The following CLCC1 variants were observed in gnomAD, a reference collection of about 807,000 sequenced individuals.
CLCC1 encodes chloride channel CLIC like 1.
CLCC1 carries 39 observed loss-of-function variants against 63.3 expected under a neutral mutation model. That is an observed-to-expected ratio of 0.62 (90% CI 0.48 to 0.81). CLCC1 has a LOEUF of 0.81. Among genes scored for constraint, CLCC1 ranks in the 30% least tolerant of loss-of-function variants. CLCC1 has a pLI of 0.00. For missense variants in CLCC1, 549 were observed against 669.4 expected, an observed-to-expected ratio of 0.82 and a Z score of 1.98; for synonymous variants, 217 against 239.8, an observed-to-expected ratio of 0.90 and a Z score of 0.88.
chr1:108,962,504 A>G (rs1283177783), intron 1 of CLCC1, 35 bp from the exon 2 acceptor site: 1 of 152,342 alleles, frequency 6.6e-6, no homozygotes, highest in East Asian at 1.9e-4. Flanking sequence ...TATTATAAAG[A>G]AAACCTGAAT....
Position 108,949,920 on chromosome 1 carries a change from G to A in CLCC1, c.131C>T (p.Ala44Val). The part of the protein sequence containing the change: ...AASGTMRKSQ[A>V]KYGISGEKDV... ...CTTTTCCCCTGAAATACCATATTTT[G>A]CCTAAAACAGAGTATAGAAACATTT... Residue 44 changes from alanine to valine, a missense_variant and splice_region_variant, in exon 4 of 13, where the codon GCA becomes GTA. Ala to Val is a moderately conservative substitution (Grantham distance 64). Transcript: ENST00000369969. The A allele has an allele frequency of 6.4e-7, 1 of 1,568,974 alleles. No individual in the cohort carries two copies. Among genetic ancestry groups the A allele is most frequent in the Admixed American group, 1.8e-5 (1 of 54,952 alleles).
At chr1:108,940,509 T>C (rs897431652) in intron 8 of CLCC1, among the ~76,000 whole-genome samples, 2 of 152,136 alleles carry the variant, frequency 1.3e-5, no homozygotes, top group African/African-American at 2.4e-5. Context: ...GGCTCTGATA[T>C]TGTACTATTA....
intron 4 of CLCC1, 27 bp from the exon 5 acceptor site, chr1:108,947,745 T>C (rs753369938): frequency 1.4e-6 from 2 of 1,441,320 alleles, no homozygotes; most frequent in Non-Finnish European, 1.9e-6. Flanking sequence ...AATTCAACAT[T>C]AGTTAGAGTC....
In CLCC1 at chr1:108,942,435, A is replaced by C. The variant is rs186286250; in HGVS notation, c.703-937T>G. On this transcript the variant is annotated intron_variant, in intron 7 of 12. Transcript: ENST00000369969. ...ATCTGTGTTTAATTTGTAAATAATT[A>C]GTTCTAAATACTATAATACTTACAG... 3.7e-3 allele frequency among the ~76,000 whole-genome samples: 568 copies of C among 152,340 alleles called. 3 individuals carry two copies. Among genetic ancestry groups the C allele is most frequent in the Non-Finnish European group, 5.6e-3 (381 of 68,038 alleles).
intron 4 of CLCC1, among the ~76,000 whole-genome samples, chr1:108,949,114 C>G (rs1184024911): frequency 6.6e-6 from 1 of 152,178 alleles, no homozygotes; most frequent in Non-Finnish European, 1.5e-5. Context: ...AGTTTAATAT[C>G]TGCCTCTTAT....
rs1001264478 is a variant in CLCC1, at chr1:108,931,257, A to G, written c.*1290T>C. The G allele has an allele frequency of 2.1e-6, 3 of 1,446,524 alleles. No individual in the cohort carries two copies. In the African/African-American group the frequency reaches 4.3e-5, roughly 21 times the overall value. The allele number at this position is 1,446,524 out of a possible 1,614,324, so 89.6% of individuals were successfully genotyped here. A position where few individuals can be genotyped will look rare whatever the true frequency, so the allele number is the denominator to read the frequency against. On this transcript the variant is annotated 3_prime_UTR_variant, in exon 13 of 13. Coordinates refer to ENST00000369969, the MANE Select transcript of CLCC1 (RefSeq NM_001377458.1). ...AAAACTCACAAAAATTAAATATGAAAGAAAGATGTCAGCTAGAACCTTAGT... is the reference window on the plus strand; with the variant it reads ...AAAACTCACAAAAATTAAATATGAAGGAAAGATGTCAGCTAGAACCTTAGT...
intron 7 of CLCC1, 61 bp downstream of exon 7, chr1:108,943,414 G>T (rs1265745314): frequency 6.5e-7 from 1 of 1,542,552 alleles, no homozygotes; most frequent in Non-Finnish European, 8.9e-7. Flanking sequence ...CAATGGATTA[G>T]AGTCTTCTTT....
At chr1:108,936,447 G>A (rs1340109427) in intron 11 of CLCC1, among the ~76,000 whole-genome samples, 2 of 152,150 alleles carry the variant, frequency 1.3e-5, no homozygotes, top group Non-Finnish European at 2.9e-5. Flanking sequence ...ACTATGGGAA[G>A]GGATTCTATA....
intron 10 of CLCC1, among the ~76,000 whole-genome samples, chr1:108,938,631 A>T (rs1653359973): frequency 6.6e-6 from 1 of 152,178 alleles, no homozygotes; most frequent in African/African-American, 2.4e-5. Context: ...TGGAGGGATG[A>T]CGAGTAATAT....
intron 10 of CLCC1, 137 bp downstream of exon 10, chr1:108,939,499 C>T (rs1031378712): frequency 6.6e-6 from 4 of 605,294 alleles, no homozygotes; most frequent in African/African-American, 5.9e-5. Context: ...TTAGTAGAGA[C>T]AGGGTTTCAC....
chr1:108,949,702 A>T (rs915429687), intron 4 of CLCC1, 118 bp downstream of exon 4: 7 of 544,864 alleles, frequency 1.3e-5, no homozygotes, highest in Non-Finnish European at 2.2e-5. Flanking sequence ...AAAATTTGAC[A>T]TATAAAAATC....
Position 108,937,509 on chromosome 1 carries a change from T to C in CLCC1, c.1042-91A>G, listed in dbSNP as rs1167591415. The C allele has an allele frequency of 7.2e-6, 8 of 1,112,152 alleles. No homozygotes were observed. In the East Asian group the frequency reaches 1.5e-4, roughly 21 times the overall value. The allele number at this position is 1,112,152 out of a possible 1,614,324, so 68.9% of individuals were successfully genotyped here. ...TTTATTCAGAGTGCTAACAAAGTTATGTAATTTAACTTACTTGTGGCATTT... is the reference window on the plus strand; with the variant it reads ...TTTATTCAGAGTGCTAACAAAGTTACGTAATTTAACTTACTTGTGGCATTT... On this transcript the variant is annotated intron_variant, in intron 10 of 12. Transcript: ENST00000369969.
rs1651993944 is a variant in CLCC1, at chr1:108,931,641, AAAG to A, written c.*903_*905del. On this transcript the variant is annotated 3_prime_UTR_variant, in exon 13 of 13. Transcript: ENST00000369969. Reference sequence around the variant, plus strand: ...TAAGTGCTCAGCTAAAAAAAAAAAAAAAGTTCTAAATTACAACCTGGATTACAT... The same window carrying A: ...TAAGTGCTCAGCTAAAAAAAAAAAAATTCTAAATTACAACCTGGATTACAT... 9.0e-7 allele frequency: 1 copy of A among 1,107,130 alleles called. No individual in the cohort carries two copies. The highest frequency in any genetic ancestry group is 1.2e-6 in the Non-Finnish European group (1 of 816,068). The allele number at this position is 1,107,130 out of a possible 1,614,324, so 68.6% of individuals were successfully genotyped here.
chr1:108,930,892 A>G lies in CLCC1; in HGVS notation c.*1655T>C, dbSNP rs1361285807. 3.0e-5 allele frequency: 2 copies of G among 67,470 alleles called. No homozygotes were observed. Among genetic ancestry groups the G allele is most frequent in the Admixed American group, 2.4e-4 (2 of 8,466 alleles). The allele number at this position is 67,470 out of a possible 1,614,324, so 4.2% of individuals were successfully genotyped here. On this transcript the variant is annotated 3_prime_UTR_variant, in exon 13 of 13. Transcript: ENST00000369969. Reference sequence around the variant, plus strand: ...AGTGACAGAGCAAGACTCTGTCTCAAAAAAAAAAAAAACAGCAAGCATGCT... The same window carrying G: ...AGTGACAGAGCAAGACTCTGTCTCAGAAAAAAAAAAAACAGCAAGCATGCT...
intron 2 of CLCC1, among the ~76,000 whole-genome samples, chr1:108,950,924 T>A (rs554124433): frequency 8.5e-5 from 13 of 152,224 alleles, no homozygotes; most frequent in Admixed American, 2.6e-4. Context: ...GTTCATATAT[T>A]AAAAAAATGC....
intron 2 of CLCC1, among the ~76,000 whole-genome samples, chr1:108,961,705 CA>C (rs529021265): frequency 2.1e-3 from 322 of 152,180 alleles, no homozygotes; most frequent in Non-Finnish European, 2.1e-3. Context: ...ACTAAAAATA[CA>C]AAAGTAGCAG....
chr1:108,947,265 TTC>T (rs1412811089), intron 5 of CLCC1, among the ~76,000 whole-genome samples: 1 of 152,246 alleles, frequency 6.6e-6, no homozygotes, highest in Non-Finnish European at 1.5e-5. Flanking sequence ...AAACACATTT[TTC>T]TTTTTCTCAG....
chr1:108,959,770 T>C (rs187871437), intron 2 of CLCC1, among the ~76,000 whole-genome samples: 1 of 152,282 alleles, frequency 6.6e-6, no homozygotes, highest in Admixed American at 6.5e-5. Flanking sequence ...CTGGCCAAGA[T>C]GGAGTAACAG....
rs542670915 is a variant in CLCC1 at position 108,963,469 on chromosome 1, C to A, written c.-281G>T. 239 of 702,064 alleles carry A rather than the reference C, an allele frequency of 3.4e-4. No individual in the cohort carries two copies. The highest frequency in any genetic ancestry group is 1.9e-3 in the African/African-American group (109 of 57,374). The allele number at this position is 702,064 out of a possible 1,614,324, so 43.5% of individuals were successfully genotyped here. A position where few individuals can be genotyped will look rare whatever the true frequency, so the allele number is the denominator to read the frequency against. On this transcript the variant is annotated 5_prime_UTR_variant, in exon 1 of 13. Transcript: ENST00000369969. ...GGGTTTCAGCGTGCTTCCTGGGCCT[C>A]GTCATCGAATTGTTCGGCTGACGGC...
Sources: gnomAD v4.1 joint callset for allele counts (sites outside exome capture counted in the v4.1 genomes callset) on GRCh38, gnomAD v4.1.1 for gene constraint, MANE v1.5 for transcripts, NCBI Gene and HGNC (gene_info 2026-07-23, HGNC 2026-07-21) for gene names.